Variants in RASGEF1C observed in about 807,000 individuals in gnomAD.
RASGEF1C encodes the protein ras-GEF domain-containing family member 1C.
RASGEF1C carries 27 observed loss-of-function variants against 58.1 expected under a neutral mutation model. The ratio of observed to expected loss-of-function variants is 0.46; its 90% CI spans 0.34 to 0.64. The LOEUF (loss-of-function observed/expected upper bound fraction) is 0.64, where lower values mean the gene tolerates loss of function less well. Ranked by LOEUF, RASGEF1C falls within the 30% of genes least tolerant of loss-of-function variation. The pLI is 0.01. For synonymous variants in RASGEF1C, 243 were observed against 246.3 expected, an observed-to-expected ratio of 0.99 and a Z score of 0.13; for missense variants, 502 against 605.1, an observed-to-expected ratio of 0.83 and a Z score of 1.79.
intron 1 of RASGEF1C, among the ~76,000 whole-genome samples, chr5:180,189,333 G>A (rs900476576): frequency 1.3e-5 from 2 of 152,200 alleles, no homozygotes; most frequent in Non-Finnish European, 2.9e-5. Context: ...TTTATAAGAT[G>A]TCAGTTTTCC....
chr5:180,110,766 C>G (rs1765947604), intron 12 of RASGEF1C, among the ~76,000 whole-genome samples: 1 of 152,192 alleles, frequency 6.6e-6, no homozygotes, highest in Non-Finnish European at 1.5e-5. Flanking sequence ...TACACGCCTA[C>G]ACAGTCAGTG....
chr5:180,116,370 C>T (rs1398807276), intron 10 of RASGEF1C, among the ~76,000 whole-genome samples: 1 of 152,210 alleles, frequency 6.6e-6, no homozygotes, highest in Non-Finnish European at 1.5e-5. Context: ...CCACCGAGAT[C>T]TCCCAGCCCC....
At chr5:180,161,573 G>T (rs895307882) in intron 1 of RASGEF1C, among the ~76,000 whole-genome samples, 2 of 152,244 alleles carry the variant, frequency 1.3e-5, no homozygotes, top group Admixed American at 1.3e-4. Flanking sequence ...GAGGGCAGAT[G>T]TCTGCACTGA....
At chr5:180,182,780 C>G (rs1166740480) in intron 1 of RASGEF1C, among the ~76,000 whole-genome samples, 2 of 152,166 alleles carry the variant, frequency 1.3e-5, no homozygotes, top group Non-Finnish European at 2.9e-5. Context: ...GAAAAGTTCT[C>G]CAAGTCCCCA....
Position 180,177,275 on chromosome 5 carries a change from C to T in RASGEF1C, c.-7+31753G>A, listed in dbSNP as rs75090201. On this transcript the variant is annotated intron_variant, in intron 1 of 13. Coordinates refer to ENST00000361132, the MANE Select transcript of RASGEF1C (RefSeq NM_175062.4). The surrounding 1 kb of genome is among the most constrained non-coding windows in gnomAD (Gnocchi z 5.0). ...GAAGCCAGGGGCTGCTTTCCCTTTC[C>T]GGCCCCACCTCCCCACCCAGTGAAG... Among the ~76,000 whole-genome samples, 2,299 of 152,306 alleles carry T rather than the reference C, an allele frequency of 0.015. 27 individuals carry two copies. Among genetic ancestry groups the T allele is most frequent in the Middle Eastern group, 0.027 (8 of 294 alleles).
At chr5:180,170,614 T>A (rs964801297) in intron 1 of RASGEF1C, among the ~76,000 whole-genome samples, 3 of 152,260 alleles carry the variant, frequency 2.0e-5, no homozygotes, top group Non-Finnish European at 4.4e-5. Context: ...AAAGTCACCA[T>A]CTGGTTTCCT....
intron 4 of RASGEF1C, among the ~76,000 whole-genome samples, chr5:180,135,853 G>A (rs1342330424): frequency 6.6e-6 from 1 of 152,262 alleles, no homozygotes; most frequent in Non-Finnish European, 1.5e-5. Context: ...CAGCTTACCC[G>A]TGGAGGCAGA....
intron 1 of RASGEF1C, among the ~76,000 whole-genome samples, chr5:180,196,462 T>C (rs1330906068): frequency 6.6e-6 from 1 of 150,992 alleles, no homozygotes; most frequent in Non-Finnish European, 1.5e-5. Flanking sequence ...GATCACACCA[T>C]TGCACTCCAG....
chr5:180,159,715 C>T (rs933942173), intron 1 of RASGEF1C, among the ~76,000 whole-genome samples: 3 of 152,238 alleles, frequency 2.0e-5, no homozygotes, highest in Non-Finnish European at 4.4e-5. Context: ...AACTGATCCA[C>T]AGGCTGGGGA....
intron 6 of RASGEF1C, among the ~76,000 whole-genome samples, chr5:180,121,676 CACACA>C (rs150241044): frequency 0.048 from 1,718 of 35,612 alleles, 36 homozygotes; most frequent in South Asian, 0.11. Flanking sequence ...CACACACACA[CACACA>C]CCCTCATTAT....
rs1040121157 is a variant in RASGEF1C at position 180,197,179 on chromosome 5, G to A, written c.-7+11849C>T. Among the ~76,000 whole-genome samples the A allele has an allele frequency of 7.9e-5, 12 of 152,236 alleles. No individual in the cohort carries two copies. Among genetic ancestry groups the A allele is most frequent in the African/African-American group, 1.9e-4 (8 of 41,470 alleles). ...TCCCATCTGGGGACTGAGATTTGGC[G>A]TCAGGAAGCAGGGGTGCATCAGGCA... is the stretch of plus-strand genomic sequence containing the variant. On this transcript the variant is annotated intron_variant, in intron 1 of 13. Coordinates refer to ENST00000361132, the MANE Select transcript of RASGEF1C (RefSeq NM_175062.4). The surrounding 1 kb of genome is among the most constrained non-coding windows in gnomAD (Gnocchi z 4.7).
intron 1 of RASGEF1C, among the ~76,000 whole-genome samples, chr5:180,195,579 T>C (rs1297977664): frequency 1.3e-5 from 2 of 151,688 alleles, no homozygotes; most frequent in Non-Finnish European, 1.5e-5. Context: ...GCGAACATGG[T>C]GAAACCCCGT....
At chr5:180,120,728 C>T (rs927053873) in intron 7 of RASGEF1C, among the ~76,000 whole-genome samples, 5 of 152,186 alleles carry the variant, frequency 3.3e-5, no homozygotes, top group South Asian at 2.1e-4. Context: ...AAACGAGGCC[C>T]GTTGCAGGCC....
intron 1 of RASGEF1C, among the ~76,000 whole-genome samples, chr5:180,181,693 C>T (rs920224174): frequency 6.6e-6 from 1 of 152,302 alleles, no homozygotes; most frequent in Admixed American, 6.5e-5. Context: ...TCCCATGAGC[C>T]CCTGATCCAG....
intron 1 of RASGEF1C, among the ~76,000 whole-genome samples, chr5:180,166,475 C>T (rs1273609556): frequency 4.0e-5 from 6 of 151,504 alleles, no homozygotes; most frequent in African/African-American, 1.2e-4. Flanking sequence ...TCCCTTTACC[C>T]GAGTGTGTCT....
rs73352834 is a variant in RASGEF1C at position 180,146,841 on chromosome 5, G to A, written c.-6-8783C>T. Among the ~76,000 whole-genome samples the A allele has an allele frequency of 8.1e-3, 1,238 of 152,276 alleles. 14 individuals are homozygous for A. Among genetic ancestry groups the A allele is most frequent in the African/African-American group, 0.026 (1,087 of 41,562 alleles). On this transcript the variant is annotated intron_variant, in intron 1 of 13. Transcript: ENST00000361132. ...GACCTCATAAAATGAGTTAGGAAGT[G>A]TTTCTGCCTCTTTAATTTTTAGGAA...
chr5:180,154,695 C>T (rs181573904), intron 1 of RASGEF1C, among the ~76,000 whole-genome samples: 1 of 152,184 alleles, frequency 6.6e-6, no homozygotes, highest in Non-Finnish European at 1.5e-5. Context: ...ATTCTCCTGC[C>T]TCAGCCTCCC....
At chr5:180,141,829 C>A (rs1766585702) in intron 1 of RASGEF1C, among the ~76,000 whole-genome samples, 1 of 151,812 alleles carries the variant, frequency 6.6e-6, no homozygotes, top group South Asian at 2.1e-4. Flanking sequence ...CGTGCCTCAG[C>A]CTCCCAAGTA....
chr5:180,192,704 TA>T (rs1756185779), intron 1 of RASGEF1C, among the ~76,000 whole-genome samples: 1 of 151,948 alleles, frequency 6.6e-6, no homozygotes, highest in Non-Finnish European at 1.5e-5. Flanking sequence ...ATAGGTTGGA[TA>T]TACTGGGTTA....
Sources: gnomAD v4.1 joint callset for allele counts (sites outside exome capture counted in the v4.1 genomes callset) on GRCh38, gnomAD v4.1.1 for gene constraint, Gnocchi (gnomAD v3.1) non-coding constraint, MANE v1.5 for transcripts, NCBI Gene and HGNC (gene_info 2026-07-23, HGNC 2026-07-21) for gene names.